Variants in TRPM7 observed in about 807,000 individuals in gnomAD.
TRPM7 encodes transient receptor potential cation channel subfamily M member 7.
A neutral mutation model predicts 229.7 loss-of-function variants in TRPM7; 134 were observed. The ratio of observed to expected loss-of-function variants is 0.58; its 90% CI spans 0.51 to 0.67. TRPM7 has a LOEUF of 0.67. Among genes scored for constraint, TRPM7 ranks in the 30% least tolerant of loss-of-function variants. The pLI is 0.00. For synonymous variants in TRPM7, 699 were observed against 715.2 expected, an observed-to-expected ratio of 0.98 and a Z score of 0.36; for missense variants, 1,901 against 2,210.0, an observed-to-expected ratio of 0.86 and a Z score of 2.80.
intron 12 of TRPM7, among the ~76,000 whole-genome samples, chr15:50,622,346 C>T (rs2060433695): frequency 6.6e-6 from 1 of 152,176 alleles, no homozygotes; most frequent in Non-Finnish European, 1.5e-5. Context: ...TGTTTTAAAA[C>T]TTCATCAATA....
intron 36 of TRPM7, among the ~76,000 whole-genome samples, chr15:50,572,369 G>C (rs1427231660): frequency 2.0e-5 from 3 of 152,154 alleles, no homozygotes; most frequent in Non-Finnish European, 4.4e-5. Flanking sequence ...TCAACATGGA[G>C]GCCAGATCCT....
chr15:50,590,840 A>G (rs200777650), intron 26 of TRPM7, among the ~76,000 whole-genome samples: 215 of 146,638 alleles, frequency 1.5e-3, no homozygotes, highest in Non-Finnish European at 2.0e-3. Context: ...AAAAAAAAAA[A>G]AGGGGGAATA....
At chr15:50,572,351 A>G (rs1291174474) in intron 36 of TRPM7, among the ~76,000 whole-genome samples, 1 of 152,230 alleles carries the variant, frequency 6.6e-6, no homozygotes, top group Non-Finnish European at 1.5e-5. Context: ...ACTATCAGTT[A>G]GCAGTCATCA....
chr15:50,571,374 T>C (rs950490694), intron 36 of TRPM7, among the ~76,000 whole-genome samples: 2 of 152,216 alleles, frequency 1.3e-5, no homozygotes, highest in Non-Finnish European at 2.9e-5. Flanking sequence ...AGGAACTTAC[T>C]TTAAGGAAAT....
intron 1 of TRPM7, among the ~76,000 whole-genome samples, chr15:50,672,047 G>A (rs2062000664): frequency 6.6e-6 from 1 of 151,562 alleles, no homozygotes. Flanking sequence ...ACCTATTTTT[G>A]TTTGGTTGGT....
Position 50,578,537 on chromosome 15 carries a change from C to T in TRPM7, c.4618+102G>A, listed in dbSNP as rs370234106. The T allele has an allele frequency of 6.8e-6, 8 of 1,168,220 alleles. No homozygotes were observed. The Admixed American group carries it at 8.0e-5, about 12-fold the overall frequency. The allele number at this position is 1,168,220 out of a possible 1,614,324, so 72.4% of individuals were successfully genotyped here. The stretch of plus-strand genomic sequence containing the variant: ...TCTTCAATACCTTGGCTTTTTCTAG[C>T]TTGAAGTCTAAAATATCTTACCTAG... On this transcript the variant is annotated intron_variant, in intron 31 of 38. Coordinates refer to ENST00000646667, the MANE Select transcript of TRPM7 (RefSeq NM_017672.6).
chr15:50,611,498 A>C (rs1055035404), intron 16 of TRPM7, among the ~76,000 whole-genome samples, 177 bp from the exon 17 acceptor site: 2 of 152,224 alleles, frequency 1.3e-5, no homozygotes, highest in African/African-American at 4.8e-5. Flanking sequence ...GGAAATCACA[A>C]AATATTAAAA....
chr15:50,589,772 G>GAAA, intron 26 of TRPM7, 116 bp from the exon 27 acceptor site: 1 of 635,514 alleles, frequency 1.6e-6, no homozygotes, highest in Non-Finnish European at 2.7e-6. Context: ...AAGTACACTT[G>GAAA]ATGGCTCTGC....
At position 50,637,403 on chromosome 15, in the gene TRPM7, A is replaced by T; in HGVS notation, c.832+19T>A. 1 of 1,605,710 alleles carries T rather than the reference A, an allele frequency of 6.2e-7. No individual in the cohort carries two copies. The highest frequency in any genetic ancestry group is 8.5e-7 in the Non-Finnish European group (1 of 1,175,716). On this transcript the variant is annotated intron_variant, in intron 7 of 38. Transcript: ENST00000646667. ...GCCCAGGACAATTTCAACAATAACA[A>T]ATTTGTGAATTCACTTACTAGCATG...
chr15:50,633,480 A>G (rs773585435), intron 8 of TRPM7, among the ~76,000 whole-genome samples: 3 of 152,182 alleles, frequency 2.0e-5, no homozygotes, highest in Non-Finnish European at 4.4e-5. Flanking sequence ...AACTATTTTT[A>G]GGAATCATTT....
intron 23 of TRPM7, among the ~76,000 whole-genome samples, chr15:50,595,336 T>G (rs1487143639): frequency 6.6e-6 from 1 of 151,962 alleles, no homozygotes; most frequent in Non-Finnish European, 1.5e-5. Flanking sequence ...TGAACAGCCC[T>G]GCTTTTAGAA....
intron 38 of TRPM7, among the ~76,000 whole-genome samples, chr15:50,567,013 A>G (rs532075671): frequency 6.6e-6 from 1 of 151,926 alleles, no homozygotes; most frequent in African/African-American, 2.4e-5. Context: ...AACAGCATAA[A>G]TAACTTTATG....
chr15:50,565,552 T>C (rs2053561513), intron 38 of TRPM7, among the ~76,000 whole-genome samples: 1 of 152,138 alleles, frequency 6.6e-6, no homozygotes, highest in South Asian at 2.1e-4. Context: ...ACATTAACAA[T>C]AGTATATGTG....
At chr15:50,606,209 T>C (rs1295339656) in intron 20 of TRPM7, among the ~76,000 whole-genome samples, 1 of 151,926 alleles carries the variant, frequency 6.6e-6, no homozygotes, top group African/African-American at 2.4e-5. Context: ...CGAAACCACA[T>C]CTCTACTAAA....
chr15:50,575,919 C>A lies in TRPM7; in HGVS notation c.4619G>T (p.Gly1540Val). 1.2e-6 allele frequency: 2 copies of A among 1,612,910 alleles called. No homozygotes were observed. Among genetic ancestry groups the A allele is most frequent in the East Asian group, 2.2e-5 (1 of 44,776 alleles). The change falls in exon 32 of 39, where the codon GGT (glycine) becomes GTT (valine). Residue 1540 changes from glycine (G) to valine (V), a missense_variant and splice_region_variant. By Grantham distance (109) the Gly-to-Val change is moderately radical. Around this residue, in one of 8 missense-constraint regions of TRPM7, gnomAD observed 533 missense variants for 497.1 expected, o/e 1.07. Coordinates refer to ENST00000646667, the MANE Select transcript of TRPM7 (RefSeq NM_017672.6). Reference protein sequence around the residue: ...EMPSEEGTLNGLTSPFKPAMD... With the variant: ...EMPSEEGTLNVLTSPFKPAMD... ...AGCTGGCTTAAATGGAGAAGTGAGA[C>A]CTAGAATGGCAAATAAACAAACGAG...
chr15:50,622,706 C>G (rs1477213033), intron 12 of TRPM7, among the ~76,000 whole-genome samples: 1 of 151,596 alleles, frequency 6.6e-6, no homozygotes, highest in Non-Finnish European at 1.5e-5. Context: ...GCCAACATGG[C>G]GAAACCCCAT....
At chr15:50,679,538 A>ATATTTTTTTTTTTT (rs1400383980) in intron 1 of TRPM7, among the ~76,000 whole-genome samples, 1 of 43,904 alleles carries the variant, frequency 2.3e-5, no homozygotes, top group African/African-American at 1.1e-4. Flanking sequence ...ATATATATAT[A>ATATTTTTTTTTTTT]TTTTTTTTTT....
intron 13 of TRPM7, among the ~76,000 whole-genome samples, chr15:50,615,426 G>T (rs2060197825): frequency 6.6e-6 from 1 of 151,936 alleles, no homozygotes; most frequent in South Asian, 2.1e-4. Context: ...TTTTCCCATG[G>T]CAATTTACAA....
In TRPM7 at chr15:50,575,995, T is replaced by C. The variant is rs903005127; in HGVS notation, c.4619-76A>G. The C allele has an allele frequency of 5.6e-6, 8 of 1,431,496 alleles. No homozygotes were observed. The African/African-American group carries it at 1.1e-4, about 21-fold the overall frequency. 88.7% of individuals were successfully genotyped at this position (1,431,496 alleles called of 1,614,324 possible). On this transcript the variant is annotated intron_variant, in intron 31 of 38. Coordinates refer to ENST00000646667, the MANE Select transcript of TRPM7 (RefSeq NM_017672.6). ...AAAAATTTTAACCCGGATAATCTCA[T>C]AAAATCATTTTGAATTTCCATAGTG...
Sources: gnomAD v4.1 joint callset for allele counts (sites outside exome capture counted in the v4.1 genomes callset) on GRCh38, gnomAD v4.1.1 for gene constraint, gnomAD v4.1.1 regional missense constraint, MANE v1.5 for transcripts, NCBI Gene and HGNC (gene_info 2026-07-23, HGNC 2026-07-21) for gene names.